Variants in SLA observed in about 807,000 individuals in gnomAD.
The protein encoded by SLA is src-like-adapter.
SLA carries 16 observed loss-of-function variants against 30.3 expected under a neutral mutation model. The ratio of observed to expected loss-of-function variants is 0.53; its 90% CI spans 0.36 to 0.80. The LOEUF is 0.80. Among genes scored for constraint, SLA ranks in the 30% least tolerant of loss-of-function variants. The probability of loss-of-function intolerance (pLI) is 0.01; values close to 1 mark genes in which losing one functional copy is unlikely to be tolerated. For synonymous variants in SLA, 143 were observed against 137.8 expected, an observed-to-expected ratio of 1.04 and a Z score of -0.26; for missense variants, 310 against 345.2, an observed-to-expected ratio of 0.90 and a Z score of 0.81.
At chr8:133,089,082 C>T (rs185075236) in intron 1 of SLA, among the ~76,000 whole-genome samples, 5 of 152,272 alleles carry the variant, frequency 3.3e-5, no homozygotes, top group African/African-American at 7.2e-5. Context: ...CAGGAGAGGT[C>T]GGTGCGAGGG....
At chr8:133,046,903 A>G (rs1839520977) in intron 6 of SLA, among the ~76,000 whole-genome samples, 1 of 152,216 alleles carries the variant, frequency 6.6e-6, no homozygotes, top group African/African-American at 2.4e-5. Context: ...GGCACTTATT[A>G]GGTGCATGGG....
At chr8:133,059,200 G>A (rs1267198974) in intron 3 of SLA, 1 of 451,020 alleles carries the variant, frequency 2.2e-6, no homozygotes, top group Admixed American at 2.4e-5. Flanking sequence ...CCCCTGCGAG[G>A]AAATGGGACA....
At chr8:133,060,435 G>A in intron 2 of SLA, 1 of 1,418,166 alleles carries the variant, frequency 7.1e-7, no homozygotes. Flanking sequence ...AGCAAATGCT[G>A]TTGGTGGCAA....
At chr8:133,073,919 G>A (rs2131459292) in intron 2 of SLA, among the ~76,000 whole-genome samples, 1 of 152,144 alleles carries the variant, frequency 6.6e-6, no homozygotes, top group East Asian at 1.9e-4. Flanking sequence ...ATTGTTCTGA[G>A]GATTGCAGAA....
At chr8:133,086,005 A>G (rs1846493228) in intron 1 of SLA, among the ~76,000 whole-genome samples, 1 of 152,250 alleles carries the variant, frequency 6.6e-6, no homozygotes, top group South Asian at 2.1e-4. Flanking sequence ...TAAGCAAAAT[A>G]TGGTTTCTCT....
chr8:133,042,552 A>C (rs972503929), intron 7 of SLA, among the ~76,000 whole-genome samples: 18 of 152,218 alleles, frequency 1.2e-4, no homozygotes, highest in Admixed American at 1.3e-4. Context: ...CCCATGTTGT[A>C]AGTAAAAAAA....
chr8:133,067,181 G>A (rs1843154456), intron 2 of SLA, among the ~76,000 whole-genome samples: 1 of 152,110 alleles, frequency 6.6e-6, no homozygotes, highest in African/African-American at 2.4e-5. Flanking sequence ...CACTTCACAG[G>A]TGCACCTCTC....
chr8:133,095,129 G>A, intron 1 of SLA: 1 of 1,614,234 alleles, frequency 6.2e-7, no homozygotes, highest in Non-Finnish European at 8.5e-7. Flanking sequence ...GAGGTCAGTT[G>A]CCCCATGTCA....
chr8:133,048,277 G>A (rs1839834390), intron 5 of SLA, among the ~76,000 whole-genome samples: 1 of 152,042 alleles, frequency 6.6e-6, no homozygotes, highest in South Asian at 2.1e-4. Flanking sequence ...CTAGAGAACA[G>A]TGGCGTGACC....
intron 3 of SLA, among the ~76,000 whole-genome samples, chr8:133,055,445 A>C (rs1054929276): frequency 6.6e-6 from 1 of 151,908 alleles, no homozygotes; most frequent in African/African-American, 2.4e-5. Flanking sequence ...ACAGAGCTGG[A>C]CCATCTAGCC....
At chr8:133,079,188 T>A (rs979791344) in intron 1 of SLA, among the ~76,000 whole-genome samples, 1 of 152,200 alleles carries the variant, frequency 6.6e-6, no homozygotes, top group Non-Finnish European at 1.5e-5. Context: ...ACTGGCCGAA[T>A]GACACTGTCA....
chr8:133,051,517 A>C (rs1270691965), intron 3 of SLA, among the ~76,000 whole-genome samples: 1 of 152,196 alleles, frequency 6.6e-6, no homozygotes, highest in Admixed American at 6.5e-5. Context: ...GCAGAATATA[A>C]GGCCCCACGC....
At chr8:133,071,396 G>C (rs926675249) in intron 2 of SLA, among the ~76,000 whole-genome samples, 1 of 152,198 alleles carries the variant, frequency 6.6e-6, no homozygotes, top group African/African-American at 2.4e-5. Context: ...GTGTCCTTAG[G>C]CCTGAGGAAA....
intron 1 of SLA, among the ~76,000 whole-genome samples, chr8:133,093,649 G>T (rs1332209008): frequency 5.9e-5 from 9 of 152,174 alleles, no homozygotes; most frequent in Non-Finnish European, 1.3e-4. Flanking sequence ...GCCACTGGCT[G>T]AGATTCTGAC....
intron 1 of SLA, among the ~76,000 whole-genome samples, chr8:133,087,228 A>T (rs554397827): frequency 6.6e-6 from 1 of 152,096 alleles, no homozygotes; most frequent in African/African-American, 2.4e-5. Context: ...TGTTTTGTCT[A>T]TTTGGGGACT....
chr8:133,086,127 T>C (rs1846520476), intron 1 of SLA, among the ~76,000 whole-genome samples: 1 of 152,214 alleles, frequency 6.6e-6, no homozygotes, highest in South Asian at 2.1e-4. Context: ...TATGATTCCA[T>C]TTATATGAAA....
intron 6 of SLA, 80 bp from the exon 7 acceptor site, chr8:133,045,195 G>A: frequency 6.6e-7 from 1 of 1,506,918 alleles, no homozygotes; most frequent in East Asian, 2.3e-5. Flanking sequence ...CACCACCACT[G>A]AGGCAGGGAG....
At chr8:133,042,678 CTTTTTTTT>C (rs58739514) in intron 7 of SLA, among the ~76,000 whole-genome samples, 21 of 56,726 alleles carry the variant, frequency 3.7e-4, no homozygotes, top group African/African-American at 6.9e-4. Flanking sequence ...CATTCTGTGT[CTTTTTTTT>C]TTTTTTTTTT....
intron 4 of SLA, 92 bp downstream of exon 4, chr8:133,050,724 C>T (rs1224666996): frequency 2.4e-6 from 2 of 841,768 alleles, no homozygotes; most frequent in Non-Finnish European, 4.1e-6. Context: ...TCATGTGGAA[C>T]TAGACCACTC....
Sources: allele counts gnomAD v4.1 joint callset (sites outside exome capture counted in the v4.1 genomes callset), GRCh38; gene constraint gnomAD v4.1.1; transcripts MANE v1.5; gene names NCBI Gene and HGNC (gene_info 2026-07-23, HGNC 2026-07-21).